LTAP1: variants seen among roughly 807,000 people sequenced by gnomAD.
LTAP1 encodes the protein lipid transport auxiliary protein 1.
the LTAP1 span, chr1:154,207,603 T>C: frequency 6.2e-7 from 1 of 1,613,158 alleles, no homozygotes; most frequent in Non-Finnish European, 8.5e-7. Flanking sequence ...GGTCTTTGGC[T>C]GCTGACTGGT....
At chr1:154,219,606 T>C in the LTAP1 span, among the ~76,000 whole-genome samples, 1 of 152,222 alleles carries the variant, frequency 6.6e-6, no homozygotes, top group Non-Finnish European at 1.5e-5. Flanking sequence ...AAGCCCTTCA[T>C]TCTGCAGATA....
chr1:154,210,102 A>G, the LTAP1 span, among the ~76,000 whole-genome samples: 1 of 149,772 alleles, frequency 6.7e-6, no homozygotes, highest in Non-Finnish European at 1.5e-5. Flanking sequence ...GGAGTGGCAC[A>G]ATCTCGGCTC....
At chr1:154,220,356 C>T in the LTAP1 span, 1 of 1,614,230 alleles carries the variant, frequency 6.2e-7, no homozygotes, top group Non-Finnish European at 8.5e-7. Context: ...CTCCCGTAGG[C>T]CATCACCAGC....
chr1:154,219,058 C>T, the LTAP1 span, among the ~76,000 whole-genome samples: 7 of 152,146 alleles, frequency 4.6e-5, no homozygotes, highest in Non-Finnish European at 2.9e-5. Context: ...TGGGGAGAGC[C>T]ACACAAAAGG....
At chr1:154,217,373 A>C in the LTAP1 span, among the ~76,000 whole-genome samples, 2 of 152,218 alleles carry the variant, frequency 1.3e-5, no homozygotes, top group South Asian at 2.1e-4. Context: ...AATCAAAGTA[A>C]AGAATATTTT....
the LTAP1 span, chr1:154,212,790 T>C: frequency 1.5e-6 from 1 of 664,510 alleles, no homozygotes; most frequent in Non-Finnish European, 2.5e-6. Flanking sequence ...GCCTCCTGAT[T>C]AGCTGGGATT....
the LTAP1 span, among the ~76,000 whole-genome samples, chr1:154,214,789 A>G: frequency 6.6e-6 from 1 of 152,188 alleles, no homozygotes; most frequent in Non-Finnish European, 1.5e-5. Context: ...CTAAGCTAGA[A>G]CATTTAACTT....
the LTAP1 span, chr1:154,214,574 C>T: frequency 2.5e-6 from 4 of 1,591,026 alleles, no homozygotes; most frequent in Non-Finnish European, 2.6e-6. Context: ...TCTTTCAAGT[C>T]CTGTTCACAT....
chr1:154,214,190 T>C, the LTAP1 span, among the ~76,000 whole-genome samples: 1 of 152,096 alleles, frequency 6.6e-6, no homozygotes, highest in African/African-American at 2.4e-5. Flanking sequence ...GGTAGAAGAA[T>C]TGCTTGAACA....
chr1:154,215,276 T>C, the LTAP1 span, among the ~76,000 whole-genome samples: 2 of 151,972 alleles, frequency 1.3e-5, no homozygotes, highest in African/African-American at 2.4e-5. Flanking sequence ...ATTTTAAAGA[T>C]AGTAAAGGGG....
chr1:154,212,011 C>G, the LTAP1 span: 1 of 297,878 alleles, frequency 3.4e-6, no homozygotes, highest in Non-Finnish European at 6.6e-6. Flanking sequence ...CATGCGCCAC[C>G]ACGCCCGGCT....
At chr1:154,216,896 G>A in the LTAP1 span, among the ~76,000 whole-genome samples, 1 of 151,674 alleles carries the variant, frequency 6.6e-6, no homozygotes, top group African/African-American at 2.4e-5. Flanking sequence ...TGATCAGCCT[G>A]CCTCGGCCTC....
the LTAP1 span, among the ~76,000 whole-genome samples, chr1:154,210,487 T>A: frequency 2.0e-4 from 31 of 152,240 alleles, no homozygotes; most frequent in South Asian, 6.0e-3. Flanking sequence ...AACTGTTTAT[T>A]ATTATTTTGA....
chr1:154,213,650 T>G, the LTAP1 span, among the ~76,000 whole-genome samples: 2 of 152,204 alleles, frequency 1.3e-5, no homozygotes, highest in Non-Finnish European at 2.9e-5. Flanking sequence ...ATCTACTTCA[T>G]GAAACTAAAG....
At chr1:154,218,364 T>C in the LTAP1 span, among the ~76,000 whole-genome samples, 19 of 152,206 alleles carry the variant, frequency 1.2e-4, no homozygotes, top group Admixed American at 1.2e-3. Flanking sequence ...GCAAAAGGAA[T>C]ATTGCTCTGA....
At chr1:154,219,355 C>G in the LTAP1 span, among the ~76,000 whole-genome samples, 1 of 152,192 alleles carries the variant, frequency 6.6e-6, no homozygotes, top group African/African-American at 2.4e-5. Context: ...CTGGGTTATT[C>G]ACTTCCTATA....
At chr1:154,207,673 T>C in the LTAP1 span, 56 of 1,562,794 alleles carry the variant, frequency 3.6e-5, no homozygotes, top group Non-Finnish European at 2.5e-5. Flanking sequence ...GGGGAGGTCA[T>C]TGACAGAATG....
At chr1:154,213,000 C>A in the LTAP1 span, among the ~76,000 whole-genome samples, 2 of 151,838 alleles carry the variant, frequency 1.3e-5, no homozygotes, top group Non-Finnish European at 2.9e-5. Flanking sequence ...AGTTAATTCC[C>A]CAAACTTAGA....
the LTAP1 span, chr1:154,207,601 G>C: frequency 6.2e-7 from 1 of 1,613,394 alleles, no homozygotes; most frequent in South Asian, 1.1e-5. Flanking sequence ...TAGGTCTTTG[G>C]CTGCTGACTG....
Sources: gnomAD v4.1 joint callset for allele counts (sites outside exome capture counted in the v4.1 genomes callset) on GRCh38, gnomAD v4.1.1 for gene constraint, MANE v1.5 for transcripts, NCBI Gene and HGNC (gene_info 2026-07-23, HGNC 2026-07-21) for gene names.